EGFL7: variants seen among roughly 807,000 people sequenced by gnomAD.
EGFL7 encodes epidermal growth factor-like protein 7.
A neutral mutation model predicts 37.1 loss-of-function variants in EGFL7; 48 were observed. That is an observed-to-expected ratio of 1.29 (90% CI 1.03 to 1.65). EGFL7 has a LOEUF of 1.65. Ranked by LOEUF, EGFL7 falls within the 40% of genes most tolerant of loss-of-function variation. The pLI is 0.00. For synonymous variants in EGFL7, 180 were observed against 156.8 expected, an observed-to-expected ratio of 1.15 and a Z score of -1.10; for missense variants, 384 against 378.9, an observed-to-expected ratio of 1.01 and a Z score of -0.11.
chr9:136,669,537 C>T, intron 5 of EGFL7, 69 bp from the exon 6 acceptor site: 1 of 1,187,238 alleles, frequency 8.4e-7, no homozygotes, highest in Non-Finnish European at 1.2e-6. Flanking sequence ...TGAGAGGGGA[C>T]TCTAGATGCC....
chr9:136,663,551 G>A lies in EGFL7; in HGVS notation c.-209G>A, dbSNP rs913797527. ...ATGAGCAACCCAACGGGGGCCCGGG[G>A]AGGGGAACTGGCCCCGAGGGAGAGG... On this transcript the variant is annotated 5_prime_UTR_variant, in exon 2 of 11. Coordinates refer to ENST00000308874, the MANE Select transcript of EGFL7 (RefSeq NM_016215.5). 2 of 152,372 alleles carry A rather than the reference G, an allele frequency of 1.3e-5. No individual in the cohort carries two copies. Among genetic ancestry groups the A allele is most frequent in the African/African-American group, 4.8e-5 (2 of 41,468 alleles). The allele number at this position is 152,372 out of a possible 1,614,324, so 9.4% of individuals were successfully genotyped here.
Position 136,670,942 on chromosome 9 carries a change from GC to G in EGFL7, c.572-5del. On this transcript the variant is annotated splice_region_variant and splice_polypyrimidine_tract_variant and intron_variant, in intron 8 of 10. Coordinates refer to ENST00000308874, the MANE Select transcript of EGFL7 (RefSeq NM_016215.5). Reference sequence around the variant, plus strand: ...CGGCCGTGACCCAGCGCCTGGCTCTGCCCGCAGGAGTGGACAGTGCAATGAA... The same window carrying G: ...CGGCCGTGACCCAGCGCCTGGCTCTGCCGCAGGAGTGGACAGTGCAATGAA... The G allele has an allele frequency of 6.4e-7, 1 of 1,552,934 alleles. No individual in the cohort carries two copies. Among genetic ancestry groups the G allele is most frequent in the South Asian group, 1.2e-5 (1 of 84,608 alleles).
Position 136,666,595 on chromosome 9 carries a change from G to A in EGFL7, c.-42-1646G>A, listed in dbSNP as rs1588232724. Among the ~76,000 whole-genome samples the A allele has an allele frequency of 6.6e-6, 1 of 151,934 alleles. No homozygotes were observed. The highest frequency in any genetic ancestry group is 2.1e-4 in the South Asian group (1 of 4,814). ...AAAAATTGAGTCTCCACTTAGCACC[G>A]CTTCCTGTCCAGGCGACTCTCAGGA... On this transcript the variant is annotated intron_variant, in intron 3 of 10. Coordinates refer to ENST00000308874, the MANE Select transcript of EGFL7 (RefSeq NM_016215.5). This position sits in a 1 kb window ranked among gnomAD's most constrained non-coding sequence, Gnocchi z 6.8.
intron 9 of EGFL7, 124 bp from the exon 10 acceptor site, chr9:136,671,802 G>A (rs940989519): frequency 6.7e-5 from 87 of 1,291,208 alleles, no homozygotes; most frequent in Non-Finnish European, 8.6e-5. Context: ...GTGGACACTT[G>A]GAGCCCTGCC....
At chr9:136,664,098 A>G (rs145134129) in intron 2 of EGFL7, among the ~76,000 whole-genome samples, 1 of 152,080 alleles carries the variant, frequency 6.6e-6, no homozygotes, top group African/African-American at 2.4e-5. Flanking sequence ...GCTGGGGGCT[A>G]GGTAAGAGCT....
chr9:136,668,372 G>C lies in EGFL7; in HGVS notation c.80+10G>C, dbSNP rs775105762. ...ACGCCTACCGGCCCGGGTGAGCCAA[G>C]CCCTAGCCTGGGAGTGCTGGGGTGG... is the stretch of plus-strand genomic sequence containing the variant. On this transcript the variant is annotated intron_variant, in intron 4 of 10. Transcript: ENST00000308874. 7 of 1,585,068 alleles carry C rather than the reference G, an allele frequency of 4.4e-6. No homozygotes were observed. The highest frequency in any genetic ancestry group is 6.0e-6 in the Non-Finnish European group (7 of 1,164,876).
intron 6 of EGFL7, 66 bp downstream of exon 6, chr9:136,669,787 C>T (rs915428843): frequency 1.3e-5 from 19 of 1,454,946 alleles, no homozygotes; most frequent in African/African-American, 8.4e-5. Flanking sequence ...TCCAGCAACG[C>T]TCCTGCTGCT....
At chr9:136,670,895 G>T in intron 8 of EGFL7, 55 bp from the exon 9 acceptor site, 1 of 1,491,030 alleles carries the variant, frequency 6.7e-7, no homozygotes, top group East Asian at 2.5e-5. Context: ...AGGGAGCCTG[G>T]GGGTGTGGGT....
At chr9:136,670,141 T>A in intron 7 of EGFL7, 28 bp from the exon 8 acceptor site, 1 of 1,612,422 alleles carries the variant, frequency 6.2e-7, no homozygotes, top group Non-Finnish European at 8.5e-7. Flanking sequence ...CCCGCAGGCA[T>A]GGCCGCCTGA....
At chr9:136,672,157 G>C in intron 10 of EGFL7, 69 bp downstream of exon 10, 1 of 1,586,886 alleles carries the variant, frequency 6.3e-7, no homozygotes, top group Non-Finnish European at 8.6e-7. Context: ...GGGCTACCCA[G>C]GCTTGGGGGT....
At chr9:136,663,916 C>T (rs1460984983) in intron 2 of EGFL7, among the ~76,000 whole-genome samples, 1 of 152,242 alleles carries the variant, frequency 6.6e-6, no homozygotes, top group East Asian at 1.9e-4. Flanking sequence ...AGCCCTGGAG[C>T]TGCCCTTTCT....
chr9:136,672,153 C>G, intron 10 of EGFL7, 65 bp downstream of exon 10: 1 of 1,582,336 alleles, frequency 6.3e-7, no homozygotes, highest in Non-Finnish European at 8.6e-7. Flanking sequence ...AGAGGGGCTA[C>G]CCAGGCTTGG....
At chr9:136,669,569 T>G (rs777529173) in intron 5 of EGFL7, 37 bp from the exon 6 acceptor site, 1 of 1,499,030 alleles carries the variant, frequency 6.7e-7, no homozygotes, top group South Asian at 1.2e-5. Context: ...TAAGGGGGAG[T>G]AGGATGCCCC....
intron 3 of EGFL7, 34 bp from the exon 4 acceptor site, chr9:136,668,207 C>T (rs921002232): frequency 1.2e-5 from 16 of 1,327,742 alleles, no homozygotes; most frequent in Non-Finnish European, 1.7e-5. Flanking sequence ...GGGGCATCTG[C>T]GGGGAGACTT....
At chr9:136,671,689 CTA>C (rs1452895162) in intron 9 of EGFL7, among the ~76,000 whole-genome samples, 2 of 152,116 alleles carry the variant, frequency 1.3e-5, no homozygotes, top group Non-Finnish European at 2.9e-5. Flanking sequence ...AGCTGTCCCC[CTA>C]GTTCTCCTGC....
At chr9:136,659,729 GA>G (rs1277067134), upstream of EGFL7, 1 of 152,448 alleles carries the variant, frequency 6.6e-6, no homozygotes, top group Non-Finnish European at 1.5e-5. Flanking sequence ...AGACAATGGG[GA>G]AACTGAGGCC....
At chr9:136,670,069 C>T (rs1845744970) in intron 7 of EGFL7, 60 bp downstream of exon 7, 2 of 1,597,812 alleles carry the variant, frequency 1.3e-6, no homozygotes, top group African/African-American at 1.3e-5. Flanking sequence ...CTTGCATGTC[C>T]TGGGGTTACT....
Position 136,670,204 on chromosome 9 carries a change from C to T in EGFL7, c.445C>T (p.Pro149Ser). The change falls in exon 8 of 11, where the codon CCC (proline) becomes TCC (serine). Residue 149 changes from proline to serine, a missense_variant. Physicochemically the swap from Pro to Ser is moderately conservative, Grantham distance 74 (BLOSUM62 -1). Transcript: ENST00000308874. The part of the protein sequence containing the change: ...DECSARRGGC[P>S]QRCVNTAGSY... Reference sequence around the variant, plus strand: ...ATGCAGTGCTAGGAGGGGCGGCTGTCCCCAGCGCTGCGTCAACACCGCCGG... The same window carrying T: ...ATGCAGTGCTAGGAGGGGCGGCTGTTCCCAGCGCTGCGTCAACACCGCCGG... 1.9e-6 allele frequency: 3 copies of T among 1,612,556 alleles called. No homozygotes were observed. The highest frequency in any genetic ancestry group is 2.5e-6 in the Non-Finnish European group (3 of 1,179,796).
Position 136,670,275 on chromosome 9 carries a change from C to T in EGFL7, c.516C>T (p.Asp172=), listed in dbSNP as rs374085521. 2.6e-5 allele frequency: 42 copies of T among 1,610,618 alleles called. No homozygotes were observed. The highest frequency in any genetic ancestry group is 7.7e-5 in the South Asian group (7 of 90,956). ...GGGAGGGGCACAGCCTGTCTGCAGA[C>T]GGTACACTCTGTGTGCCCAAGGGAG... The part of the protein sequence containing the change: ...QCWEGHSLSA[D]GTLCVPKGGP... The change falls in exon 8 of 11, where the codon GAC becomes GAT. Residue 172 remains aspartate (D), a synonymous_variant. Coordinates refer to ENST00000308874, the MANE Select transcript of EGFL7 (RefSeq NM_016215.5).
Sources: gnomAD v4.1 joint callset for allele counts (sites outside exome capture counted in the v4.1 genomes callset) on GRCh38, gnomAD v4.1.1 for gene constraint, Gnocchi (gnomAD v3.1) non-coding constraint, MANE v1.5 for transcripts, NCBI Gene and HGNC (gene_info 2026-07-23, HGNC 2026-07-21) for gene names.